The following DNM2 variants were observed in gnomAD, a reference collection of about 807,000 sequenced individuals.
DNM2 encodes the protein dynamin 2.
In DNM2, 15 loss-of-function variants were observed where a neutral mutation model predicts 99.0. The observed-to-expected ratio is 0.15, with a 90% confidence interval of 0.10 to 0.23. The LOEUF (loss-of-function observed/expected upper bound fraction) is 0.23, where lower values mean the gene tolerates loss of function less well. DNM2 is among the 10% of genes least tolerant of loss of function. DNM2 has a pLI of 1.00. For missense variants in DNM2, 742 were observed against 1,189.4 expected, an observed-to-expected ratio of 0.62 and a Z score of 5.53; for synonymous variants, 525 against 481.2, an observed-to-expected ratio of 1.09 and a Z score of -1.19.
Position 10,817,803 on chromosome 19 carries a change from G to A in DNM2, c.1672-2177G>A, listed in dbSNP as rs1269578847. Among the ~76,000 whole-genome samples, 1 of 136,288 alleles carries A rather than the reference G, an allele frequency of 7.3e-6. No individual in the cohort carries two copies. The highest frequency in any genetic ancestry group is 1.7e-5 in the Non-Finnish European group (1 of 60,378). The allele number at this position is 136,288 out of a possible 152,430, so 89.4% of individuals were successfully genotyped here. A position where few individuals can be genotyped will look rare whatever the true frequency, so the allele number is the denominator to read the frequency against. ...GGGGAGGAGGGGCGCACACACACGT[G>A]TGTGTGTGTGTGTGCGCGCGCGCGC... On this transcript the variant is annotated intron_variant, in intron 15 of 20. Transcript: ENST00000389253. The surrounding 1 kb of genome is among the most constrained non-coding windows in gnomAD (Gnocchi z 4.6).
chr19:10,732,218 G>A (rs577241688), intron 1 of DNM2, among the ~76,000 whole-genome samples: 41 of 149,058 alleles, frequency 2.8e-4, no homozygotes, highest in African/African-American at 9.6e-4. Context: ...CTCCCAGAGT[G>A]CTGGGATTAC....
chr19:10,723,931 TA>T (rs1169092312), intron 1 of DNM2, among the ~76,000 whole-genome samples: 1 of 151,872 alleles, frequency 6.6e-6, no homozygotes, highest in Non-Finnish European at 1.5e-5. Flanking sequence ...CTACAAAAAA[TA>T]AAAACATTAG....
In DNM2 at chr19:10,799,534, G is replaced by GTT. The variant is rs897961120; in HGVS notation, c.1422+978_1422+979dup. Among the ~76,000 whole-genome samples, 571 of 106,478 alleles carry GTT rather than the reference G, an allele frequency of 5.4e-3. 3 individuals are homozygous for GTT. The highest frequency in any genetic ancestry group is 0.02 in the African/African-American group (537 of 26,980). The allele number at this position is 106,478 out of a possible 152,430, so 69.9% of individuals were successfully genotyped here. On this transcript the variant is annotated intron_variant, in intron 11 of 20. Transcript: ENST00000389253. ...GGTGCTTTTTGTGTTGTGGTTTTTT[G>GTT]TTTTTTTTTTTTTTTTTGAGACAGA...
chr19:10,822,783 GCCACTGTGC>G (rs1040641208), intron 16 of DNM2, among the ~76,000 whole-genome samples: 4 of 149,330 alleles, frequency 2.7e-5, no homozygotes, highest in Admixed American at 6.7e-5. Context: ...ACAGGCGTGA[GCCACTGTGC>G]CCAGCCAAAA....
Position 10,797,367 on chromosome 19 carries a change from C to CCG in DNM2, c.1197-11_1197-10dup, listed in dbSNP as rs2071974188. 1 of 1,611,776 alleles carries CCG rather than the reference C, an allele frequency of 6.2e-7. No homozygotes were observed. Among genetic ancestry groups the CCG allele is most frequent in the African/African-American group, 1.3e-5 (1 of 74,864 alleles). On this transcript the variant is annotated splice_polypyrimidine_tract_variant and intron_variant, in intron 9 of 20. Transcript: ENST00000389253. Reference sequence around the variant, plus strand: ...GTGTCTTTCTGCCTCATCCTGCCCTCCGCATGACCCAGGACGGGGCTCTTC... The same window carrying CCG: ...GTGTCTTTCTGCCTCATCCTGCCCTCCGCGCATGACCCAGGACGGGGCTCTTC...
At chr19:10,748,740 C>T (rs1206071332) in intron 1 of DNM2, among the ~76,000 whole-genome samples, 1 of 152,204 alleles carries the variant, frequency 6.6e-6, no homozygotes, top group Non-Finnish European at 1.5e-5. Context: ...CCTCAGTCCA[C>T]CTGTCTGAAA....
intron 1 of DNM2, among the ~76,000 whole-genome samples, chr19:10,758,335 T>C (rs200542927): frequency 0.027 from 1,478 of 55,660 alleles, 11 homozygotes; most frequent in Middle Eastern, 0.06. Flanking sequence ...CCCTCCTTCC[T>C]TCCCTCCTTC....
At chr19:10,803,204 A>G (rs1228851327) in intron 12 of DNM2, among the ~76,000 whole-genome samples, 1 of 152,126 alleles carries the variant, frequency 6.6e-6, no homozygotes, top group Non-Finnish European at 1.5e-5. Context: ...CCTTGCCTTG[A>G]GGGGTCAGGC....
rs989579305 is a variant in DNM2, at chr19:10,758,264, T to C, written c.162-1474T>C. ...TTCCTTTCTTCCTTCCCTCCTTCCT[T>C]CCCTCCTTCCTTCCCTCCCTCCTTC... On this transcript the variant is annotated intron_variant, in intron 1 of 20. Transcript: ENST00000389253. 3.4e-5 allele frequency among the ~76,000 whole-genome samples: 5 copies of C among 147,268 alleles called. No individual in the cohort carries two copies. In the East Asian group the frequency reaches 1.1e-3, roughly 32 times the overall value.
chr19:10,727,543 T>C (rs2069154080), intron 1 of DNM2, among the ~76,000 whole-genome samples: 1 of 152,020 alleles, frequency 6.6e-6, no homozygotes, highest in Admixed American at 6.6e-5. Flanking sequence ...TTTTAAGAAA[T>C]TTTTTGTAGA....
chr19:10,724,688 G>T (rs528086785), intron 1 of DNM2, among the ~76,000 whole-genome samples: 1 of 152,296 alleles, frequency 6.6e-6, no homozygotes, highest in South Asian at 2.1e-4. Context: ...TTGTGGGCAG[G>T]GAGGCTGTCT....
chr19:10,812,200 C>A lies in DNM2; in HGVS notation c.1558-64C>A. 1.4e-6 allele frequency: 2 copies of A among 1,431,462 alleles called. No individual in the cohort carries two copies. The highest frequency in any genetic ancestry group is 1.9e-6 in the Non-Finnish European group (2 of 1,045,804). The allele number at this position is 1,431,462 out of a possible 1,614,324, so 88.7% of individuals were successfully genotyped here. On this transcript the variant is annotated intron_variant, in intron 14 of 20. Coordinates refer to ENST00000389253, the MANE Select transcript of DNM2 (RefSeq NM_001005361.3). This position sits in a 1 kb window ranked among gnomAD's most constrained non-coding sequence, Gnocchi z 4.0. ...TCCCACTGAGCTGTGGGCAAGGCTG[C>A]TGCGCTGGGGGATGGCTGGGGCACG...
rs1011369751 is a variant in DNM2 at position 10,818,032 on chromosome 19, T to C, written c.1672-1948T>C. Among the ~76,000 whole-genome samples, 6 of 152,122 alleles carry C rather than the reference T, an allele frequency of 3.9e-5. No homozygotes were observed. Among genetic ancestry groups the C allele is most frequent in the African/African-American group, 1.4e-4 (6 of 41,432 alleles). ...CAAACGTCCGAGCCGGGGGCAGGGCTTCTGCAGAGCCCCCTCCCCTAGCCC... is the reference window on the plus strand; with the variant it reads ...CAAACGTCCGAGCCGGGGGCAGGGCCTCTGCAGAGCCCCCTCCCCTAGCCC... On this transcript the variant is annotated intron_variant, in intron 15 of 20. Coordinates refer to ENST00000389253, the MANE Select transcript of DNM2 (RefSeq NM_001005361.3). This position sits in a 1 kb window ranked among gnomAD's most constrained non-coding sequence, Gnocchi z 4.3.
rs1262248989 is a variant in DNM2 at position 10,759,897 on chromosome 19, G to C, written c.235+86G>C. ...TTGCTGGGGGCGGAGGGTGGAACTT[G>C]GGTCCTGGGCTGTCATTGGACATTG... On this transcript the variant is annotated intron_variant, in intron 2 of 20. Transcript: ENST00000389253. 6.4e-6 allele frequency: 10 copies of C among 1,557,062 alleles called. No homozygotes were observed. In the East Asian group the frequency reaches 2.0e-4, roughly 31 times the overall value.
intron 10 of DNM2, 194 bp from the exon 11 acceptor site, chr19:10,798,292 G>A (rs995766165): frequency 1.1e-4 from 66 of 608,180 alleles, no homozygotes; most frequent in Non-Finnish European, 1.7e-4. Context: ...TGCTGTCTCC[G>A]GTCCACGGTG....
At chr19:10,729,605 C>A (rs1221397926) in intron 1 of DNM2, among the ~76,000 whole-genome samples, 1 of 152,130 alleles carries the variant, frequency 6.6e-6, no homozygotes, top group East Asian at 1.9e-4. Context: ...CCAGTAGGCA[C>A]GTGAGAGTTA....
In DNM2 at chr19:10,765,339, G is replaced by T. The variant is rs899051076; in HGVS notation, c.235+5528G>T. 1.3e-5 allele frequency among the ~76,000 whole-genome samples: 2 copies of T among 152,354 alleles called. No individual in the cohort carries two copies. The highest frequency in any genetic ancestry group is 4.1e-4 in the South Asian group (2 of 4,832). ...GGCTCTGCCCAGCACAGGGCCTGGC[G>T]CCGAGCAGGTGCTCCGCATGCACGG... On this transcript the variant is annotated intron_variant, in intron 2 of 20. Coordinates refer to ENST00000389253, the MANE Select transcript of DNM2 (RefSeq NM_001005361.3). This position sits in a 1 kb window ranked among gnomAD's most constrained non-coding sequence, Gnocchi z 4.4.
At chr19:10,744,625 C>A (rs77025014) in intron 1 of DNM2, among the ~76,000 whole-genome samples, 15,430 of 152,130 alleles carry the variant, frequency 0.1, 1,211 homozygotes, top group East Asian at 0.37. Context: ...TGGTACAGAG[C>A]TGGAAATCCA....
At chr19:10,770,516 G>A (rs914297899) in intron 2 of DNM2, among the ~76,000 whole-genome samples, 3 of 152,170 alleles carry the variant, frequency 2.0e-5, no homozygotes, top group Non-Finnish European at 2.9e-5. Flanking sequence ...TGGCTCAAAT[G>A]ATCCTCCCAC....
Sources: gnomAD v4.1 joint callset for allele counts (sites outside exome capture counted in the v4.1 genomes callset) on GRCh38, gnomAD v4.1.1 for gene constraint, Gnocchi (gnomAD v3.1) non-coding constraint, MANE v1.5 for transcripts, NCBI Gene and HGNC (gene_info 2026-07-23, HGNC 2026-07-21) for gene names.